Variants in ZFR2 observed in about 807,000 individuals in gnomAD.
ZFR2 encodes zinc finger RNA-binding protein 2.
In ZFR2, 104 loss-of-function variants were observed where a neutral mutation model predicts 105.7. That is an observed-to-expected ratio of 0.98 (90% CI 0.84 to 1.16). The LOEUF (loss-of-function observed/expected upper bound fraction) is 1.16, where lower values mean the gene tolerates loss of function less well. Ranked by LOEUF, ZFR2 falls within the 50% of genes most tolerant of loss-of-function variation. ZFR2 has a pLI of 0.00. For missense variants in ZFR2, 1,425 were observed against 1,355.5 expected (o/e 1.05, Z -0.80); for synonymous variants, 634 against 597.7 (o/e 1.06, Z -0.89).
At chr19:3,818,981 TCC>T (rs2037855486) in intron 12 of ZFR2, 62 bp downstream of exon 12, 16 of 1,553,936 alleles carry the variant, frequency 1.0e-5, no homozygotes, top group Non-Finnish European at 1.4e-5. Context: ...CAGGGTCTCG[TCC>T]CGAGGAGCTG....
At chr19:3,865,339 G>A (rs4807523) in intron 1 of ZFR2, among the ~76,000 whole-genome samples, 21,176 of 151,874 alleles carry the variant, frequency 0.14, 2,427 homozygotes, top group African/African-American at 0.32. Flanking sequence ...CCAGGGCTAC[G>A]GTTATCATTT....
intron 1 of ZFR2, among the ~76,000 whole-genome samples, chr19:3,841,733 A>T (rs2038134997): frequency 6.6e-6 from 1 of 151,902 alleles, no homozygotes; most frequent in Middle Eastern, 3.4e-3. Flanking sequence ...TGAGCCCAGG[A>T]GTTTGAGGCT....
chr19:3,821,989 C>T lies in ZFR2; in HGVS notation c.1491+92G>A, dbSNP rs910226451. The T allele has an allele frequency of 2.7e-6, 4 of 1,475,008 alleles. No individual in the cohort carries two copies. In the East Asian group the frequency reaches 1.0e-4, roughly 37 times the overall value. 91.4% of individuals were successfully genotyped at this position (1,475,008 alleles called of 1,614,324 possible). ...TCCCTCTTAAGTTCGTCGGATCACA[C>T]GCGCGGAAGAGGCCCGACCACAGGC... On this transcript the variant is annotated intron_variant, in intron 9 of 18. Coordinates refer to ENST00000262961, the MANE Select transcript of ZFR2 (RefSeq NM_015174.2).
intron 1 of ZFR2, among the ~76,000 whole-genome samples, chr19:3,855,882 A>C (rs573918364): frequency 2.4e-4 from 36 of 152,298 alleles, no homozygotes; most frequent in African/African-American, 7.9e-4. Flanking sequence ...GGTGTGGAAC[A>C]GGGGGCAGAG....
rs1238235070 is a variant in ZFR2, at chr19:3,834,224, G to A, written c.265-446C>T. ...TGCGGGTGGCAGAGCTGGGAAATTG[G>A]AGCATGGTCACGGGGGACATCTTTG... On this transcript the variant is annotated intron_variant, in intron 2 of 18. Coordinates refer to ENST00000262961, the MANE Select transcript of ZFR2 (RefSeq NM_015174.2). The surrounding 1 kb of genome is among the most constrained non-coding windows in gnomAD (Gnocchi z 5.3). 1.3e-5 allele frequency among the ~76,000 whole-genome samples: 2 copies of A among 152,134 alleles called. No individual in the cohort carries two copies. The highest frequency in any genetic ancestry group is 4.8e-5 in the African/African-American group (2 of 41,410).
At chr19:3,860,291 G>A (rs1386032111) in intron 1 of ZFR2, among the ~76,000 whole-genome samples, 2 of 150,566 alleles carry the variant, frequency 1.3e-5, no homozygotes, top group African/African-American at 4.9e-5. Context: ...CTCCTGCCTC[G>A]GCCTCCCAAA....
intron 1 of ZFR2, among the ~76,000 whole-genome samples, chr19:3,844,270 C>T (rs1423239902): frequency 6.6e-6 from 1 of 152,066 alleles, no homozygotes; most frequent in African/African-American, 2.4e-5. Context: ...TTCCCCTCTC[C>T]ACCCATCTAT....
rs1568419996 is a variant in ZFR2, at chr19:3,819,214, T to TGGACGCC, written c.1755_1761dup (p.Ser588GlyfsTer56). Reference sequence around the variant, plus strand: ...TTGCACATGACGTGCCGGTCGTCGCTGGACGCCGGCCGCCGCCCGGGCTGT... The same window carrying TGGACGCC: ...TTGCACATGACGTGCCGGTCGTCGCTGGACGCCGGACGCCGGCCGCCGCCCGGGCTGT... On this transcript the variant is annotated frameshift_variant, in exon 12 of 19. Transcript: ENST00000262961. LOFTEE classifies it high-confidence loss of function. 2.6e-6 allele frequency: 4 copies of TGGACGCC among 1,557,416 alleles called. No individual in the cohort carries two copies. The highest frequency in any genetic ancestry group is 3.4e-6 in the Non-Finnish European group (4 of 1,159,482).
chr19:3,820,539 G>A (rs1368756694), intron 10 of ZFR2, among the ~76,000 whole-genome samples: 2 of 152,172 alleles, frequency 1.3e-5, no homozygotes, highest in African/African-American at 4.8e-5. Flanking sequence ...ATGGCCTTCA[G>A]GAGGTCCTGG....
In ZFR2 at chr19:3,805,950, C is replaced by A; in HGVS notation, c.2819G>T (p.Ter940LeuextTer42). ...CCGCAGGTGGGGGAGGTAGGCGGCT[C>A]ACACGAGCCCCTCTCCGCCCCGCCG... Reference protein sequence around the residue: ...RGRRGGEGLV* With the variant: ...RGRRGGEGLVL Residue 940 changes from the stop codon to leucine, a stop_lost, in exon 19 of 19, where the codon TGA (stop) becomes TTA (leucine). Transcript: ENST00000262961. 6.5e-7 allele frequency: 1 copy of A among 1,529,660 alleles called. No individual in the cohort carries two copies. Among genetic ancestry groups the A allele is most frequent in the South Asian group, 1.2e-5 (1 of 82,990 alleles). 94.8% of individuals were successfully genotyped at this position (1,529,660 alleles called of 1,614,324 possible).
chr19:3,825,424 CGGG>C lies in ZFR2; in HGVS notation c.1036-20_1036-18del. The stretch of plus-strand genomic sequence containing the variant: ...CTTGAAGACCTGCAACAGACAGAGC[CGGG>C]CTCCCGCGTGAGGGCCGCTCCCAGC... On this transcript the variant is annotated intron_variant, in intron 6 of 18. Coordinates refer to ENST00000262961, the MANE Select transcript of ZFR2 (RefSeq NM_015174.2). The C allele has an allele frequency of 6.4e-7, 1 of 1,553,716 alleles. No individual in the cohort carries two copies. The highest frequency in any genetic ancestry group is 1.2e-5 in the South Asian group (1 of 83,366).
chr19:3,827,542 C>T lies in ZFR2; in HGVS notation c.964G>A (p.Asp322Asn), dbSNP rs1432238105. 8 of 1,561,422 alleles carry T rather than the reference C, an allele frequency of 5.1e-6. No homozygotes were observed. Among genetic ancestry groups the T allele is most frequent in the Middle Eastern group, 1.7e-4 (1 of 5,836 alleles). The part of the protein sequence containing the change: ...PRGVQAQLHC[D>N]LCAVSCTGAD... ...CCGGTGCAGGACACGGCGCACAGGT[C>T]GCAATGCAGCTGCGCCTGCACCCCG... is the stretch of plus-strand genomic sequence containing the variant. The change falls in exon 6 of 19, where the codon GAC (aspartate) becomes AAC (asparagine). Residue 322 changes from aspartate to asparagine, a missense_variant. Coordinates refer to ENST00000262961, the MANE Select transcript of ZFR2 (RefSeq NM_015174.2).
chr19:3,822,182 G>C lies in ZFR2; in HGVS notation c.1390C>G (p.Arg464Gly). The change falls in exon 9 of 19, where the codon CGA becomes GGA. Residue 464 changes from arginine to glycine, a missense_variant. By Grantham distance (125) the Arg-to-Gly change is moderately radical (BLOSUM62 -2). Coordinates refer to ENST00000262961, the MANE Select transcript of ZFR2 (RefSeq NM_015174.2). The part of the protein sequence containing the change: ...YVEEVFSDEG[R>G]VLRFHCKLCE... ...AGCTTGCAGTGGAAGCGAAGCACTC[G>C]CCCTTCGTCGCTGAACACCTGAGAC... The C allele has an allele frequency of 3.8e-6, 6 of 1,598,544 alleles. No individual in the cohort carries two copies. Among genetic ancestry groups the C allele is most frequent in the Non-Finnish European group, 5.1e-6 (6 of 1,173,182 alleles).
intron 1 of ZFR2, among the ~76,000 whole-genome samples, chr19:3,847,317 G>A (rs1430020665): frequency 1.3e-5 from 2 of 151,754 alleles, no homozygotes; most frequent in Non-Finnish European, 2.9e-5. Context: ...TAAGCCCAGG[G>A]GTTCTAGACT....
Position 3,813,015 on chromosome 19 carries a change from A to G in ZFR2, c.2242+805T>C, listed in dbSNP as rs111513967. 0.058 allele frequency among the ~76,000 whole-genome samples: 8,885 copies of G among 152,184 alleles called. 362 individuals carry two copies. The highest frequency in any genetic ancestry group is 0.12 in the Middle Eastern group (34 of 294). On this transcript the variant is annotated intron_variant, in intron 14 of 18. Coordinates refer to ENST00000262961, the MANE Select transcript of ZFR2 (RefSeq NM_015174.2). This position sits in a 1 kb window ranked among gnomAD's most constrained non-coding sequence, Gnocchi z 4.4. ...GAATCGCTTGAACCCAGGCGGCGGA[A>G]GTTGCAGTGAGCTGAGATTGCGCCA...
chr19:3,816,687 G>A lies in ZFR2; in HGVS notation c.2090C>T (p.Pro697Leu), dbSNP rs1006468427. Residue 697 changes from proline (P) to leucine (L), a missense_variant, in exon 13 of 19, where the codon CCC (proline) becomes CTC (leucine). Coordinates refer to ENST00000262961, the MANE Select transcript of ZFR2 (RefSeq NM_015174.2). ...SLLRRIAQQL[P>L]RQLQMVTEDE... ...CCCTGACCTTACCTGGAGCTGCCGGGGCAGCTGCTGGGCGATCCTCCGCAG... is the reference window on the plus strand; with the variant it reads ...CCCTGACCTTACCTGGAGCTGCCGGAGCAGCTGCTGGGCGATCCTCCGCAG... 1.9e-6 allele frequency: 3 copies of A among 1,608,706 alleles called. No individual in the cohort carries two copies. The highest frequency in any genetic ancestry group is 2.7e-5 in the African/African-American group (2 of 74,848).
intron 1 of ZFR2, 148 bp from the exon 2 acceptor site, chr19:3,835,131 C>T: frequency 1.2e-6 from 1 of 845,380 alleles, no homozygotes. Flanking sequence ...CGGCCGGAAG[C>T]ACTTTACACA....
intron 1 of ZFR2, among the ~76,000 whole-genome samples, chr19:3,840,570 C>T (rs2038124621): frequency 6.6e-6 from 1 of 152,006 alleles, no homozygotes; most frequent in South Asian, 2.1e-4. Flanking sequence ...TGCTCTGTCG[C>T]TCAGGCTGGA....
At position 3,824,239 on chromosome 19, in the gene ZFR2, G is replaced by C. The variant is rs575875585; in HGVS notation, c.1214-836C>G. ...CGCTTGAGCCCAGGAGGTGGAGGCT[G>C]CAGTGAGCTATGATTGCACCTCTGC... On this transcript the variant is annotated intron_variant, in intron 7 of 18. Transcript: ENST00000262961. Among the ~76,000 whole-genome samples, 344 of 152,310 alleles carry C rather than the reference G, an allele frequency of 2.3e-3. 5 individuals carry two copies. Among genetic ancestry groups the C allele is most frequent in the African/African-American group, 7.7e-3 (322 of 41,560 alleles).
Sources: gnomAD v4.1 joint callset for allele counts (sites outside exome capture counted in the v4.1 genomes callset) on GRCh38, gnomAD v4.1.1 for gene constraint, Gnocchi (gnomAD v3.1) non-coding constraint, MANE v1.5 for transcripts, NCBI Gene and HGNC (gene_info 2026-07-23, HGNC 2026-07-21) for gene names.